The following HCN1 variants were observed in gnomAD, a reference collection of about 807,000 sequenced individuals.
The protein encoded by HCN1 is hyperpolarization activated cyclic nucleotide gated potassium channel 1.
HCN1 carries 13 observed loss-of-function variants against 78.9 expected under a neutral mutation model. That is an observed-to-expected ratio of 0.16 (90% CI 0.11 to 0.26). HCN1 has a LOEUF of 0.26. HCN1 is among the 10% of genes least tolerant of loss of function. The pLI, the probability that HCN1 is intolerant of heterozygous loss-of-function variation, is 1.00. For missense variants in HCN1, 810 were observed against 1,154.3 expected, an observed-to-expected ratio of 0.70 and a Z score of 4.32; for synonymous variants, 552 against 455.5, an observed-to-expected ratio of 1.21 and a Z score of -2.70.
At chr5:45,626,333 C>A (rs960357092) in intron 2 of HCN1, among the ~76,000 whole-genome samples, 1 of 152,144 alleles carries the variant, frequency 6.6e-6, no homozygotes, top group Admixed American at 6.5e-5. Flanking sequence ...TGAAATACTA[C>A]GCTCAGCAAT....
intron 5 of HCN1, among the ~76,000 whole-genome samples, chr5:45,317,897 T>C (rs1332129307): frequency 6.6e-6 from 1 of 152,084 alleles, no homozygotes; most frequent in Non-Finnish European, 1.5e-5. Context: ...ATGGCGATCA[T>C]TAAAAAGTCA....
chr5:45,674,469 C>T (rs1580042686), intron 1 of HCN1, among the ~76,000 whole-genome samples: 1 of 151,514 alleles, frequency 6.6e-6, no homozygotes, highest in Non-Finnish European at 1.5e-5. Context: ...TTATGTTAAG[C>T]TTATGTTATG....
intron 4 of HCN1, among the ~76,000 whole-genome samples, chr5:45,390,201 C>T (rs1205742766): frequency 1.3e-5 from 2 of 152,134 alleles, no homozygotes; most frequent in Non-Finnish European, 2.9e-5. Context: ...CAGTGCATCC[C>T]AGTAAAGCGG....
intron 2 of HCN1, among the ~76,000 whole-genome samples, chr5:45,553,843 CA>C (rs1165362433): frequency 1.3e-5 from 2 of 151,688 alleles, no homozygotes; most frequent in East Asian, 3.9e-4. Flanking sequence ...TTTTCATTCT[CA>C]GTTGTTGAAA....
rs1467606913 is a variant in HCN1, at chr5:45,660,206, C to CT, written c.426-14599dup. 4.2e-5 allele frequency among the ~76,000 whole-genome samples: 5 copies of CT among 120,310 alleles called. No individual in the cohort carries two copies. In the Admixed American group the frequency reaches 4.2e-4, roughly 10 times the overall value. The allele number at this position is 120,310 out of a possible 152,430, so 78.9% of individuals were successfully genotyped here. ...GAATTTCATAGCCAGCCAAACTAAG[C>CT]TTCATAAGTGAAGGAGAAATAAAAT... On this transcript the variant is annotated intron_variant, in intron 1 of 7. Coordinates refer to ENST00000303230, the MANE Select transcript of HCN1 (RefSeq NM_021072.4).
Position 45,325,612 on chromosome 5 carries a change from C to A in HCN1, c.1378-21773G>T, listed in dbSNP as rs1316626050. ...AATATATTCTTTTCCGTCAGCATTT[C>A]CAATGGACTTATATTAATCTGGTGG... On this transcript the variant is annotated intron_variant, in intron 5 of 7. Coordinates refer to ENST00000303230, the MANE Select transcript of HCN1 (RefSeq NM_021072.4). Among the ~76,000 whole-genome samples, 3 of 151,708 alleles carry A rather than the reference C, an allele frequency of 2.0e-5. No individual in the cohort carries two copies. In the East Asian group the frequency reaches 5.8e-4, roughly 30 times the overall value.
At chr5:45,316,482 C>A (rs976895004) in intron 5 of HCN1, among the ~76,000 whole-genome samples, 2 of 152,170 alleles carry the variant, frequency 1.3e-5, no homozygotes, top group Non-Finnish European at 2.9e-5. Flanking sequence ...AAACTGGAAG[C>A]ATTCCCTTTG....
At position 45,461,878 on chromosome 5, in the gene HCN1, G is replaced by T; in HGVS notation, c.979C>A (p.Pro327Thr). The T allele has an allele frequency of 6.2e-7, 1 of 1,613,386 alleles. No homozygotes were observed. Residue 327 changes from proline (P) to threonine (T), a missense_variant, in exon 3 of 8, where the codon CCA (proline) becomes ACA (threonine). This residue lies in a region of HCN1 where 104 missense variants were observed against 402.8 expected (regional missense o/e 0.26). Transcript: ENST00000303230. ...FLVPLLQDFP[P>T]DCWVSLNEMV... ...TCATTTAAAGACACCCAGCAATCTGGTGGGAAGTCCTGCAGTAGTGGTACT... is the reference window on the plus strand; with the variant it reads ...TCATTTAAAGACACCCAGCAATCTGTTGGGAAGTCCTGCAGTAGTGGTACT...
intron 5 of HCN1, 99 bp downstream of exon 5, chr5:45,353,001 A>G: frequency 1.0e-6 from 1 of 959,840 alleles, no homozygotes; most frequent in Non-Finnish European, 1.6e-6. Flanking sequence ...TAATAAGTTT[A>G]GGTTTTTCTT....
At chr5:45,292,074 A>G (rs967735791) in intron 6 of HCN1, among the ~76,000 whole-genome samples, 1 of 151,776 alleles carries the variant, frequency 6.6e-6, no homozygotes, top group African/African-American at 2.4e-5. Flanking sequence ...TTTGTTGAAG[A>G]AAAAAAAGGA....
intron 1 of HCN1, among the ~76,000 whole-genome samples, chr5:45,677,977 TACACACACACATACACACACACACAC>T (rs36225869): frequency 0.29 from 42,306 of 145,058 alleles, 5,985 homozygotes; most frequent in African/African-American, 0.33. Context: ...ATTAAACACA[TACACACACACATACACACACACACAC>T]ACACACACAC....
At chr5:45,349,621 C>T (rs965105279) in intron 5 of HCN1, among the ~76,000 whole-genome samples, 5 of 151,874 alleles carry the variant, frequency 3.3e-5, no homozygotes, top group South Asian at 2.1e-4. Context: ...ATTGATAGAC[C>T]GCTAGCAAGA....
At chr5:45,445,639 A>T (rs1197651106) in intron 3 of HCN1, among the ~76,000 whole-genome samples, 1 of 152,122 alleles carries the variant, frequency 6.6e-6, no homozygotes, top group East Asian at 1.9e-4. Flanking sequence ...GGCACCCCCC[A>T]GTAGGGGCAG....
chr5:45,329,103 C>G (rs1439302051), intron 5 of HCN1, among the ~76,000 whole-genome samples: 1 of 151,368 alleles, frequency 6.6e-6, no homozygotes, highest in Non-Finnish European at 1.5e-5. Flanking sequence ...AGACTATTTT[C>G]AAAAAACTGT....
intron 5 of HCN1, among the ~76,000 whole-genome samples, chr5:45,314,868 C>G (rs908242046): frequency 3.2e-4 from 48 of 152,278 alleles, no homozygotes; most frequent in African/African-American, 1.1e-3. Context: ...AGCTAACTAT[C>G]CTAAATATAT....
At chr5:45,508,461 G>A (rs1024225404) in intron 2 of HCN1, among the ~76,000 whole-genome samples, 3 of 152,042 alleles carry the variant, frequency 2.0e-5, no homozygotes, top group African/African-American at 7.2e-5. Context: ...AGCTCATGGT[G>A]AGCTTCAGCT....
intron 1 of HCN1, among the ~76,000 whole-genome samples, chr5:45,690,022 G>A (rs928799244): frequency 6.6e-6 from 1 of 152,062 alleles, no homozygotes; most frequent in African/African-American, 2.4e-5. Flanking sequence ...TTCATAGGCA[G>A]TCATTCCATT....
intron 1 of HCN1, among the ~76,000 whole-genome samples, chr5:45,666,397 A>G (rs181114107): frequency 1.3e-3 from 195 of 152,158 alleles, no homozygotes; most frequent in Non-Finnish European, 2.3e-3. Context: ...AATTCTCATA[A>G]GCTACCCCTT....
chr5:45,289,307 A>G (rs1745328226), intron 6 of HCN1, among the ~76,000 whole-genome samples: 1 of 152,056 alleles, frequency 6.6e-6, no homozygotes, highest in Non-Finnish European at 1.5e-5. Flanking sequence ...AGAACAGAGA[A>G]TAAAAAAGGT....
Sources: gnomAD v4.1 joint callset for allele counts (sites outside exome capture counted in the v4.1 genomes callset) on GRCh38, gnomAD v4.1.1 for gene constraint, gnomAD v4.1.1 regional missense constraint, MANE v1.5 for transcripts, NCBI Gene and HGNC (gene_info 2026-07-23, HGNC 2026-07-21) for gene names.